The following WNT6 variants were observed in gnomAD, a reference collection of about 807,000 sequenced individuals.
The protein encoded by WNT6 is protein Wnt-6.
WNT6 carries 27 observed loss-of-function variants against 33.1 expected under a neutral mutation model. The observed-to-expected ratio is 0.82, with a 90% CI of 0.60 to 1.12. The LOEUF (loss-of-function observed/expected upper bound fraction) is 1.12, where lower values mean the gene tolerates loss of function less well. WNT6 is among the 50% of genes most tolerant of loss of function. The probability of loss-of-function intolerance (pLI) is 0.00; values close to 1 mark genes in which losing one functional copy is unlikely to be tolerated. For missense variants in WNT6, 494 were observed against 535.3 expected (o/e 0.92, Z 0.76); for synonymous variants, 249 against 242.8 (o/e 1.03, Z -0.24).
At chr2:218,872,194 G>A (rs560152178) in intron 3 of WNT6, among the ~76,000 whole-genome samples, 2 of 152,302 alleles carry the variant, frequency 1.3e-5, no homozygotes, top group South Asian at 4.1e-4. Flanking sequence ...TGGATGCCTA[G>A]GCAGGGGCAG....
Position 218,873,620 on chromosome 2 carries a change from C to T in WNT6, c.873C>T (p.Pro291=), listed in dbSNP as rs1399526002. 1.3e-6 allele frequency: 2 copies of T among 1,574,914 alleles called. No homozygotes were observed. Among genetic ancestry groups the T allele is most frequent in the Admixed American group, 1.7e-5 (1 of 58,624 alleles). The stretch of plus-strand genomic sequence containing the variant: ...ACCTCCTCTACGCCGCCGATTCGCC[C>T]GACTTCTGCGCCCCCAACCGACGCA... ...RADLLYAADS[P]DFCAPNRRTG... is the part of the protein sequence containing the mutation. Residue 291 remains proline (P), a synonymous_variant, in exon 4 of 4, where the codon CCC becomes CCT. Coordinates refer to ENST00000233948, the MANE Select transcript of WNT6 (RefSeq NM_006522.4). The surrounding 1 kb of genome is among the most constrained non-coding windows in gnomAD (Gnocchi z 6.1).
rs1944402313 is a variant in WNT6 at position 218,871,621 on chromosome 2, C to A, written c.438C>A (p.Ser146=). ...APRGRAPPRP[S]GLPGTPGPPG... is the part of the protein sequence containing the mutation. ...GCGGGCGGGCCCCTCCCCGGCCCTC[C>A]GGCCTGCCCGGCACCCCCGGACCCC... The change falls in exon 3 of 4, where the codon TCC becomes TCA. Residue 146 remains serine, a synonymous_variant. Coordinates refer to ENST00000233948, the MANE Select transcript of WNT6 (RefSeq NM_006522.4). This position sits in a 1 kb window ranked among gnomAD's most constrained non-coding sequence, Gnocchi z 6.4. The A allele has an allele frequency of 2.7e-6, 4 of 1,467,374 alleles. No homozygotes were observed. In the East Asian group the frequency reaches 8.5e-5, roughly 31 times the overall value. 90.9% of individuals were successfully genotyped at this position (1,467,374 alleles called of 1,614,324 possible). A position where few individuals can be genotyped will look rare whatever the true frequency, so the allele number is the denominator to read the frequency against.
chr2:218,860,087 T>A lies in WNT6; in HGVS notation c.50T>A (p.Leu17Gln). 1 of 1,527,670 alleles carries A rather than the reference T, an allele frequency of 6.5e-7. No individual in the cohort carries two copies. Among genetic ancestry groups the A allele is most frequent in the Non-Finnish European group, 8.8e-7 (1 of 1,142,490 alleles). The allele number at this position is 1,527,670 out of a possible 1,614,324, so 94.6% of individuals were successfully genotyped here. The change falls in exon 1 of 4, where the codon CTG (leucine) becomes CAG (glutamine). Residue 17 changes from leucine (L) to glutamine (Q), a missense_variant. Leu to Gln is a moderately radical substitution (Grantham distance 113). Coordinates refer to ENST00000233948, the MANE Select transcript of WNT6 (RefSeq NM_006522.4). ...CTCGGGCTGCTGCTGCTGCTGCTCC[T>A]GTGCCCGGCGCACGTCGGCGGACTG... Reference protein sequence around the residue: ...SRLGLLLLLLLCPAHVGGLWW... With the variant: ...SRLGLLLLLLQCPAHVGGLWW...
In WNT6 at chr2:218,871,249, T is replaced by G; in HGVS notation, c.301+2T>G. 6.2e-7 allele frequency: 1 copy of G among 1,607,132 alleles called. No individual in the cohort carries two copies. Among genetic ancestry groups the G allele is most frequent in the Non-Finnish European group, 8.5e-7 (1 of 1,175,546 alleles). On this transcript the variant is annotated splice_donor_variant, in intron 2 of 3. Transcript: ENST00000233948. LOFTEE classifies it high-confidence loss of function. The surrounding 1 kb of genome is among the most constrained non-coding windows in gnomAD (Gnocchi z 6.4). Reference sequence around the variant, plus strand: ...CCTTTGGACGCATCCTGCAACAGGGTCAGTGTGGGGAGGGGGCGGAAGTGG... The same window carrying G: ...CCTTTGGACGCATCCTGCAACAGGGGCAGTGTGGGGAGGGGGCGGAAGTGG...
chr2:218,873,558 C>T lies in WNT6; in HGVS notation c.811C>T (p.Pro271Ser), dbSNP rs560783536. Reference protein sequence around the residue: ...MGTNDGKALLPAVRTLKPPGR... With the variant: ...MGTNDGKALLSAVRTLKPPGR... ...CACCAACGACGGCAAGGCCCTGCTG[C>T]CCGCCGTCCGCACGCTCAAGCCGCC... The change falls in exon 4 of 4, where the codon CCC becomes TCC. Residue 271 changes from proline to serine, a missense_variant. By Grantham distance (74) the Pro-to-Ser change is moderately conservative (BLOSUM62 -1). Transcript: ENST00000233948. This position sits in a 1 kb window ranked among gnomAD's most constrained non-coding sequence, Gnocchi z 6.1. 2.0e-6 allele frequency: 3 copies of T among 1,537,772 alleles called. No homozygotes were observed. Among genetic ancestry groups the T allele is most frequent in the East Asian group, 2.5e-5 (1 of 40,750 alleles).
At chr2:218,860,177 G>A in intron 1 of WNT6, 60 bp downstream of exon 1, 1 of 1,423,122 alleles carries the variant, frequency 7.0e-7, no homozygotes, top group Non-Finnish European at 9.3e-7. Context: ...CCGGGACCCA[G>A]GACAGACTGG....
Position 218,873,277 on chromosome 2 carries a change from T to C in WNT6, c.637-107T>C. ...CGGTCTCCTTTTGTCTGCATTTTCC[T>C]CTCTTCCTTTCACCTCCCATTCCCA... On this transcript the variant is annotated intron_variant, in intron 3 of 3. Transcript: ENST00000233948. This position sits in a 1 kb window ranked among gnomAD's most constrained non-coding sequence, Gnocchi z 6.1. The C allele has an allele frequency of 8.6e-7, 1 of 1,156,142 alleles. No individual in the cohort carries two copies. Among genetic ancestry groups the C allele is most frequent in the Non-Finnish European group, 1.2e-6 (1 of 836,194 alleles). 71.6% of individuals were successfully genotyped at this position (1,156,142 alleles called of 1,614,324 possible). A position where few individuals can be genotyped will look rare whatever the true frequency, so the allele number is the denominator to read the frequency against.
intron 1 of WNT6, among the ~76,000 whole-genome samples, chr2:218,866,407 A>T (rs142723290): frequency 1.9e-4 from 29 of 152,242 alleles, no homozygotes; most frequent in Middle Eastern, 3.4e-3. Context: ...TGGATGGAGG[A>T]GGAGGAGACA....
rs1575224438 is a variant in WNT6 at position 218,868,000 on chromosome 2, C to T, written c.81-3027C>T. Among the ~76,000 whole-genome samples, 2 of 152,198 alleles carry T rather than the reference C, an allele frequency of 1.3e-5. No homozygotes were observed. The highest frequency in any genetic ancestry group is 3.4e-3 in the Middle Eastern group (1 of 294). ...CGAAGCTTGGTGTTTTGCCCAATGC[C>T]CCCTGCCACGCCCCTTCTGGAGTTT... On this transcript the variant is annotated intron_variant, in intron 1 of 3. Coordinates refer to ENST00000233948, the MANE Select transcript of WNT6 (RefSeq NM_006522.4). This position sits in a 1 kb window ranked among gnomAD's most constrained non-coding sequence, Gnocchi z 4.9.
At chr2:218,860,735 T>G (rs1944300684) in intron 1 of WNT6, among the ~76,000 whole-genome samples, 1 of 150,966 alleles carries the variant, frequency 6.6e-6, no homozygotes, top group African/African-American at 2.4e-5. Flanking sequence ...AATGAAAAAA[T>G]ATGTGCAGCC....
intron 1 of WNT6, 87 bp downstream of exon 1, chr2:218,860,204 C>T: frequency 4.1e-6 from 5 of 1,232,770 alleles, no homozygotes; most frequent in Non-Finnish European, 5.3e-6. Context: ...CCGCAGCCTC[C>T]CGGCTCTACC....
intron 1 of WNT6, among the ~76,000 whole-genome samples, chr2:218,860,633 G>A (rs925446667): frequency 5.3e-5 from 8 of 152,190 alleles, no homozygotes; most frequent in African/African-American, 1.7e-4. Context: ...CAGGACCCTG[G>A]TTTTCTCTAC....
intron 1 of WNT6, among the ~76,000 whole-genome samples, chr2:218,868,167 C>G (rs1944367982): frequency 6.6e-6 from 1 of 152,114 alleles, no homozygotes; most frequent in East Asian, 1.9e-4. Context: ...GCCAGCCAGC[C>G]TGGGGAGCCA....
At chr2:218,870,936 C>T (rs1381966114) in intron 1 of WNT6, 91 bp from the exon 2 acceptor site, 23 of 1,270,894 alleles carry the variant, frequency 1.8e-5, no homozygotes, top group Non-Finnish European at 2.3e-5. Context: ...TCACAGCTCC[C>T]GCTGCGGGCT....
chr2:218,863,101 C>G (rs1944323638), intron 1 of WNT6, among the ~76,000 whole-genome samples: 1 of 152,212 alleles, frequency 6.6e-6, no homozygotes, highest in Non-Finnish European at 1.5e-5. Context: ...TCTCCCCACC[C>G]TACCAGTGCC....
In WNT6 at chr2:218,871,601, C is replaced by A. The variant is rs1478825467; in HGVS notation, c.418C>A (p.Arg140=). Residue 140 remains arginine, a synonymous_variant, in exon 3 of 4, where the codon CGG becomes AGG. Transcript: ENST00000233948. The surrounding 1 kb of genome is among the most constrained non-coding windows in gnomAD (Gnocchi z 6.4). ...LQCGCQAPRG[R]APPRPSGLPG... ...GTGCGGCTGCCAGGCGCCCCGCGGG[C>A]GGGCCCCTCCCCGGCCCTCCGGCCT... The A allele has an allele frequency of 2.0e-6, 3 of 1,502,572 alleles. No homozygotes were observed. Among genetic ancestry groups the A allele is most frequent in the South Asian group, 1.3e-5 (1 of 77,642 alleles). The allele number at this position is 1,502,572 out of a possible 1,614,324, so 93.1% of individuals were successfully genotyped here. A position where few individuals can be genotyped will look rare whatever the true frequency, so the allele number is the denominator to read the frequency against.
chr2:218,869,747 C>A (rs1008677319), intron 1 of WNT6, among the ~76,000 whole-genome samples: 1 of 152,184 alleles, frequency 6.6e-6, no homozygotes, highest in African/African-American at 2.4e-5. Context: ...TCTGGTATAC[C>A]AAAACCAAAT....
At position 218,868,416 on chromosome 2, in the gene WNT6, C is replaced by A. The variant is rs574377406; in HGVS notation, c.81-2611C>A. Among the ~76,000 whole-genome samples the A allele has an allele frequency of 5.3e-5, 8 of 152,162 alleles. No homozygotes were observed. In the South Asian group the frequency reaches 1.7e-3, roughly 32 times the overall value. Reference sequence around the variant, plus strand: ...ACCTTGGGAAGATAAGGCCAGGCAACCCTGGGAAACTAGGGAGTTAGCAGA... The same window carrying A: ...ACCTTGGGAAGATAAGGCCAGGCAAACCTGGGAAACTAGGGAGTTAGCAGA... On this transcript the variant is annotated intron_variant, in intron 1 of 3. Transcript: ENST00000233948.
At chr2:218,868,489 T>C (rs1198530720) in intron 1 of WNT6, among the ~76,000 whole-genome samples, 2 of 151,196 alleles carry the variant, frequency 1.3e-5, no homozygotes, top group South Asian at 2.1e-4. Flanking sequence ...GTAAGGGAAG[T>C]GGGGGTGGGG....
Sources: allele counts gnomAD v4.1 joint callset (sites outside exome capture counted in the v4.1 genomes callset), GRCh38; gene constraint gnomAD v4.1.1; non-coding constraint Gnocchi (gnomAD v3.1); transcripts MANE v1.5; gene names NCBI Gene and HGNC (gene_info 2026-07-23, HGNC 2026-07-21).